STRN: variants seen among roughly 807,000 people sequenced by gnomAD.
STRN encodes striatin, also known as protein phosphatase 2 regulatory subunit B'''alpha.
STRN carries 53 observed loss-of-function variants against 96.3 expected under a neutral mutation model. The observed-to-expected ratio is 0.55, with a 90% confidence interval of 0.44 to 0.69. The LOEUF is 0.69. STRN is among the 30% of genes least tolerant of loss of function. STRN has a pLI of 0.00. For missense variants in STRN, 987 were observed against 963.9 expected (o/e 1.02, Z -0.32); for synonymous variants, 428 against 355.9 (o/e 1.20, Z -2.28).
At chr2:36,861,324 TAAG>T in intron 12 of STRN, 71 bp from the exon 13 acceptor site, 1 of 1,553,658 alleles carries the variant, frequency 6.4e-7, no homozygotes. Context: ...TTGTTAAAAA[TAAG>T]AATGTTTAAT....
At chr2:36,957,882 C>T (rs929021654) in intron 1 of STRN, among the ~76,000 whole-genome samples, 3 of 142,630 alleles carry the variant, frequency 2.1e-5, no homozygotes, top group African/African-American at 5.2e-5. Flanking sequence ...CCCCGAGTAG[C>T]TGGGATTACA....
At chr2:36,905,383 A>G (rs749147348) in intron 4 of STRN, among the ~76,000 whole-genome samples, 157 bp downstream of exon 4, 3 of 152,262 alleles carry the variant, frequency 2.0e-5, no homozygotes, top group Non-Finnish European at 4.4e-5. Flanking sequence ...CAGAAAAAGT[A>G]TTTAATATGA....
chr2:36,959,472 A>G (rs972102984), intron 1 of STRN, among the ~76,000 whole-genome samples: 2 of 152,228 alleles, frequency 1.3e-5, no homozygotes, highest in East Asian at 1.9e-4. Context: ...TGGAGATGTA[A>G]GTGACAGCTT....
intron 1 of STRN, among the ~76,000 whole-genome samples, chr2:36,965,816 C>T (rs1316417670): frequency 1.3e-5 from 2 of 152,314 alleles, no homozygotes; most frequent in East Asian, 3.9e-4. Context: ...AAAGCCGGCA[C>T]GTTCTGCGGA....
chr2:36,900,983 T>G (rs1435384599), intron 5 of STRN, among the ~76,000 whole-genome samples: 2 of 151,476 alleles, frequency 1.3e-5, no homozygotes, highest in Non-Finnish European at 2.9e-5. Context: ...GGTAATCTTT[T>G]AGACAGAGAG....
At chr2:36,895,727 T>C (rs1322362595) in intron 6 of STRN, among the ~76,000 whole-genome samples, 1 of 139,832 alleles carries the variant, frequency 7.2e-6, no homozygotes, top group Non-Finnish European at 1.5e-5. Context: ...CTGCCTAACA[T>C]GGTAAAAACC....
chr2:36,870,744 T>C (rs1194278349), intron 10 of STRN, among the ~76,000 whole-genome samples: 1 of 152,210 alleles, frequency 6.6e-6, no homozygotes, highest in African/African-American at 2.4e-5. Flanking sequence ...ATTTTTATTC[T>C]ACAGTATATT....
rs1669246442 is a variant in STRN, at chr2:36,886,890, ATGTC to A, written c.932-68_932-65del. 4 of 1,296,752 alleles carry A rather than the reference ATGTC, an allele frequency of 3.1e-6. No individual in the cohort carries two copies. In the African/African-American group the frequency reaches 6.0e-5, roughly 19 times the overall value. The allele number at this position is 1,296,752 out of a possible 1,614,324, so 80.3% of individuals were successfully genotyped here. A position where few individuals can be genotyped will look rare whatever the true frequency, so the allele number is the denominator to read the frequency against. On this transcript the variant is annotated intron_variant, in intron 7 of 17. Coordinates refer to ENST00000263918, the MANE Select transcript of STRN (RefSeq NM_003162.4). ...AAAATATTGAACACTCTGAGTCAGT[ATGTC>A]TGAATGACGTAACAACCACTTTCTT... is the stretch of plus-strand genomic sequence containing the variant.
intron 1 of STRN, among the ~76,000 whole-genome samples, chr2:36,951,842 C>A (rs1461038437): frequency 6.6e-6 from 1 of 152,188 alleles, no homozygotes; most frequent in Non-Finnish European, 1.5e-5. Context: ...CTGTTAGGAA[C>A]TGGGTGGCAT....
At chr2:36,935,427 C>T (rs903191847) in intron 1 of STRN, among the ~76,000 whole-genome samples, 5 of 152,092 alleles carry the variant, frequency 3.3e-5, no homozygotes, top group African/African-American at 1.2e-4. Context: ...TAATATGTAT[C>T]ACGTACTCTA....
chr2:36,893,955 C>A lies in STRN; in HGVS notation c.874G>T (p.Val292Phe). The change falls in exon 7 of 18, where the codon GTT becomes TTT. Residue 292 changes from valine (V) to phenylalanine (F), a missense_variant. Transcript: ENST00000263918. Reference protein sequence around the residue: ...KEALKEFDFLVTSEEGDNESR... With the variant: ...KEALKEFDFLFTSEEGDNESR... ...TCATTGTCTCCTTCCTCTGATGTAA[C>A]CAAGAAGTCAAACTCCTTTAGAGCT... 6.2e-7 allele frequency: 1 copy of A among 1,613,664 alleles called. No individual in the cohort carries two copies. The highest frequency in any genetic ancestry group is 1.1e-5 in the South Asian group (1 of 91,042).
chr2:36,939,807 G>A (rs1442680023), intron 1 of STRN, among the ~76,000 whole-genome samples: 1 of 152,158 alleles, frequency 6.6e-6, no homozygotes, highest in African/African-American at 2.4e-5. Context: ...TTCAAAAAGT[G>A]ATTCAAAATA....
At chr2:36,878,119 GTA>G in intron 9 of STRN, 92 bp from the exon 10 acceptor site, 1 of 1,349,828 alleles carries the variant, frequency 7.4e-7, no homozygotes, top group Non-Finnish European at 1.0e-6. Context: ...ATAAGTGCAC[GTA>G]TATACTTAAT....
chr2:36,846,387 T>TTATA lies in STRN; in HGVS notation c.*3065_*3068dup, dbSNP rs57446302. ...CAAAACAGTAAAATGCACCTATGGT[T>TTATA]TATATATATATATATATATATATAT... On this transcript the variant is annotated 3_prime_UTR_variant, in exon 18 of 18. Coordinates refer to ENST00000263918, the MANE Select transcript of STRN (RefSeq NM_003162.4). 0.028 allele frequency: 2,198 copies of TTATA among 77,790 alleles called. 56 individuals carry two copies. Among genetic ancestry groups the TTATA allele is most frequent in the African/African-American group, 0.048 (614 of 12,726 alleles). 4.8% of individuals were successfully genotyped at this position (77,790 alleles called of 1,614,324 possible).
chr2:36,880,069 C>T (rs1558634824), intron 9 of STRN, among the ~76,000 whole-genome samples: 1 of 152,094 alleles, frequency 6.6e-6, no homozygotes, highest in Non-Finnish European at 1.5e-5. Flanking sequence ...CAGGTTCAAG[C>T]AAATTCTCCT....
At chr2:36,878,878 GAGT>G (rs1668991745) in intron 9 of STRN, among the ~76,000 whole-genome samples, 1 of 145,296 alleles carries the variant, frequency 6.9e-6, no homozygotes, top group South Asian at 2.2e-4. Context: ...TCAGCCTCCC[GAGT>G]AGCTGGGATT....
chr2:36,855,806 C>T (rs1041419228), intron 14 of STRN, among the ~76,000 whole-genome samples: 1 of 151,914 alleles, frequency 6.6e-6, no homozygotes, highest in African/African-American at 2.4e-5. Context: ...CATGCAAATA[C>T]CATATGAAGA....
chr2:36,931,267 C>T (rs970191382), intron 1 of STRN, among the ~76,000 whole-genome samples: 2 of 152,120 alleles, frequency 1.3e-5, no homozygotes, highest in African/African-American at 2.4e-5. Flanking sequence ...TGGCAGTCTC[C>T]TGATAAAATA....
At chr2:36,960,460 T>C (rs889875830) in intron 1 of STRN, among the ~76,000 whole-genome samples, 1 of 152,190 alleles carries the variant, frequency 6.6e-6, no homozygotes, top group Non-Finnish European at 1.5e-5. Context: ...TGACTGAAGA[T>C]TATGCTTTTC....
Sources: allele counts gnomAD v4.1 joint callset (sites outside exome capture counted in the v4.1 genomes callset), GRCh38; gene constraint gnomAD v4.1.1; transcripts MANE v1.5; gene names NCBI Gene and HGNC (gene_info 2026-07-23, HGNC 2026-07-21).